Variants in TBX20 observed in about 807,000 individuals in gnomAD.
The protein encoded by TBX20 is T-box transcription factor 20.
TBX20 carries 8 observed loss-of-function variants against 42.9 expected under a neutral mutation model. The ratio of observed to expected loss-of-function variants is 0.19; its 90% CI spans 0.11 to 0.34. The LOEUF (loss-of-function observed/expected upper bound fraction) is 0.34, where lower values mean the gene tolerates loss of function less well. Among genes scored for constraint, TBX20 ranks in the 10% least tolerant of loss-of-function variants. The pLI is 1.00. For synonymous variants in TBX20, 198 were observed against 222.8 expected (o/e 0.89, Z 0.99); for missense variants, 411 against 566.0 (o/e 0.73, Z 2.78).
At chr7:35,220,246 G>T (rs547871673) in intron 6 of TBX20, among the ~76,000 whole-genome samples, 22 of 152,336 alleles carry the variant, frequency 1.4e-4, no homozygotes, top group African/African-American at 4.1e-4. Context: ...GGTTAAAGAT[G>T]AAAGCAGATC....
intron 6 of TBX20, among the ~76,000 whole-genome samples, chr7:35,205,187 T>G (rs971757607): frequency 2.6e-5 from 4 of 152,076 alleles, no homozygotes; most frequent in Admixed American, 2.0e-4. Context: ...AAAAAACCCA[T>G]GAAGAAAACA....
intron 6 of TBX20, among the ~76,000 whole-genome samples, chr7:35,205,311 T>TA (rs923529888): frequency 3.2e-4 from 46 of 142,556 alleles, no homozygotes; most frequent in Middle Eastern, 7.0e-3. Flanking sequence ...CTTTAAAAAA[T>TA]AAAAAAAAAA....
intron 6 of TBX20, among the ~76,000 whole-genome samples, chr7:35,219,729 C>A (rs1003309865): frequency 6.6e-6 from 1 of 152,224 alleles, no homozygotes; most frequent in Non-Finnish European, 1.5e-5. Flanking sequence ...ACTTCTTTAG[C>A]AACTCTGCCA....
At chr7:35,209,059 G>T (rs1159367313) in intron 6 of TBX20, among the ~76,000 whole-genome samples, 3 of 152,092 alleles carry the variant, frequency 2.0e-5, no homozygotes, top group Non-Finnish European at 2.9e-5. Context: ...TTGCAGTCCT[G>T]AACTAGGCCC....
chr7:35,209,694 C>A (rs1216581700), intron 6 of TBX20, among the ~76,000 whole-genome samples: 1 of 152,132 alleles, frequency 6.6e-6, no homozygotes, highest in Non-Finnish European at 1.5e-5. Context: ...CTTTCTTCTA[C>A]TTGCTTTGGG....
intron 6 of TBX20, among the ~76,000 whole-genome samples, chr7:35,212,455 A>C (rs59762092): frequency 0.39 from 59,817 of 152,042 alleles, 13,426 homozygotes; most frequent in Middle Eastern, 0.53. Flanking sequence ...GTAATCTTTA[A>C]TTAGATACTA....
At chr7:35,234,195 A>C (rs1383976923) in intron 5 of TBX20, among the ~76,000 whole-genome samples, 4 of 152,218 alleles carry the variant, frequency 2.6e-5, no homozygotes, top group Middle Eastern at 3.2e-3. Context: ...GCTTTTTCTG[A>C]GTCTTTACAA....
intron 4 of TBX20, 62 bp downstream of exon 4, chr7:35,244,887 G>C (rs1790149868): frequency 8.2e-7 from 1 of 1,220,084 alleles, no homozygotes; most frequent in African/African-American, 1.5e-5. Context: ...GAGAGAGACA[G>C]TTTTGTGCGA....
chr7:35,237,027 AC>A (rs1789979535), intron 5 of TBX20, among the ~76,000 whole-genome samples: 2 of 131,440 alleles, frequency 1.5e-5, no homozygotes, highest in East Asian at 4.1e-4. Context: ...GTTTTTGATG[AC>A]ACTGTCAGTG....
At chr7:35,234,625 A>G (rs1789928194) in intron 5 of TBX20, among the ~76,000 whole-genome samples, 1 of 152,198 alleles carries the variant, frequency 6.6e-6, no homozygotes, top group African/African-American at 2.4e-5. Context: ...AACTTCAGGA[A>G]AGTTGCAAGA....
intron 5 of TBX20, among the ~76,000 whole-genome samples, chr7:35,233,406 T>C (rs1272050295): frequency 1.3e-5 from 2 of 152,220 alleles, no homozygotes; most frequent in Admixed American, 6.5e-5. Flanking sequence ...AGCTATGCTA[T>C]GAGCATTGGT....
intron 6 of TBX20, among the ~76,000 whole-genome samples, chr7:35,208,140 T>C (rs1336403523): frequency 2.6e-5 from 4 of 152,234 alleles, no homozygotes; most frequent in African/African-American, 7.2e-5. Flanking sequence ...TAAGTATATA[T>C]GTCTTGCATA....
intron 6 of TBX20, among the ~76,000 whole-genome samples, chr7:35,206,584 C>T (rs1310852526): frequency 6.6e-6 from 1 of 152,076 alleles, no homozygotes; most frequent in African/African-American, 2.4e-5. Context: ...ATAGTTTGAT[C>T]AGTTTGGGCA....
chr7:35,203,299 G>A (rs939926235), intron 7 of TBX20, among the ~76,000 whole-genome samples: 4 of 151,836 alleles, frequency 2.6e-5, no homozygotes, highest in African/African-American at 4.8e-5. Flanking sequence ...AGAACAGCAC[G>A]GGTCCACTTA....
chr7:35,238,588 G>A (rs1200534556), intron 5 of TBX20, among the ~76,000 whole-genome samples: 7 of 152,158 alleles, frequency 4.6e-5, no homozygotes, highest in Non-Finnish European at 1.0e-4. Flanking sequence ...TAAATGAATG[G>A]AATGTTTTCG....
At chr7:35,229,227 T>C (rs111834912) in intron 6 of TBX20, among the ~76,000 whole-genome samples, 1 of 152,182 alleles carries the variant, frequency 6.6e-6, no homozygotes, top group African/African-American at 2.4e-5. Flanking sequence ...TATGTGTTTT[T>C]CTCTCAGATC....
chr7:35,248,918 G>T, intron 2 of TBX20, 77 bp from the exon 3 acceptor site: 3 of 1,578,200 alleles, frequency 1.9e-6, no homozygotes, highest in Non-Finnish European at 1.7e-6. Context: ...AGAGAGGAAG[G>T]GAGGGAGGGA....
intron 1 of TBX20, 148 bp downstream of exon 1, chr7:35,253,346 T>A: frequency 1.1e-6 from 1 of 916,382 alleles, no homozygotes; most frequent in East Asian, 2.6e-5. Flanking sequence ...CAAAGAAAAC[T>A]TGGACCCAAA....
chr7:35,227,354 G>T (rs754603518), intron 6 of TBX20, among the ~76,000 whole-genome samples: 29 of 152,016 alleles, frequency 1.9e-4, no homozygotes, highest in Non-Finnish European at 2.8e-4. Flanking sequence ...AATGTCCTAG[G>T]CCTTCATATT....
Sources: allele counts gnomAD v4.1 joint callset (sites outside exome capture counted in the v4.1 genomes callset), GRCh38; gene constraint gnomAD v4.1.1; transcripts MANE v1.5; gene names NCBI Gene and HGNC (gene_info 2026-07-23, HGNC 2026-07-21).